ASAH2: variants seen among roughly 807,000 people sequenced by gnomAD.
ASAH2 encodes the protein neutral ceramidase.
In ASAH2, 58 loss-of-function variants were observed where a neutral mutation model predicts 82.9. The ratio of observed to expected loss-of-function variants is 0.70; its 90% confidence interval spans 0.57 to 0.87. The LOEUF (loss-of-function observed/expected upper bound fraction) is 0.87, where lower values mean the gene tolerates loss of function less well. ASAH2 is among the 40% of genes least tolerant of loss of function. The pLI is 0.00. For synonymous variants in ASAH2, 276 were observed against 289.7 expected (o/e 0.95, Z 0.48); for missense variants, 779 against 834.0 (o/e 0.93, Z 0.81).
At chr10:50,227,301 G>A (rs1286786401) in intron 7 of ASAH2, among the ~76,000 whole-genome samples, 1 of 151,462 alleles carries the variant, frequency 6.6e-6, no homozygotes, top group African/African-American at 2.4e-5. Flanking sequence ...CACATTATTA[G>A]ATAAGAAGAG....
At position 50,236,021 on chromosome 10, in the gene ASAH2, C is replaced by T; in HGVS notation, c.554G>A (p.Arg185Lys). ...AGTGCCACTCAGGATGACATTATCT[C>T]TTCTGTACAGGGAGCCATATTTACT... is the stretch of plus-strand genomic sequence containing the variant. ...LQSKYGSLYR[R>K]DNVILSGTHT... Residue 185 changes from arginine (R) to lysine (K), a missense_variant, in exon 5 of 21, where the codon AGA becomes AAA. By Grantham distance (26) the Arg-to-Lys change is conservative (BLOSUM62 2). Around this residue, in one of 3 missense-constraint regions of ASAH2, gnomAD observed 759 missense variants for 755.2 expected, o/e 1.00. Coordinates refer to ENST00000682911, the MANE Select transcript of ASAH2 (RefSeq NM_019893.4). 2 of 1,613,278 alleles carry T rather than the reference C, an allele frequency of 1.2e-6. No homozygotes were observed. Among genetic ancestry groups the T allele is most frequent in the South Asian group, 2.2e-5 (2 of 91,066 alleles).
chr10:50,212,776 T>A (rs1264110969), intron 10 of ASAH2, among the ~76,000 whole-genome samples, 196 bp downstream of exon 10: 1 of 152,134 alleles, frequency 6.6e-6, no homozygotes, highest in African/African-American at 2.4e-5. Flanking sequence ...CTATAAGAAG[T>A]CAGACCTGAG....
rs1369323923 is a variant in ASAH2, at chr10:50,224,791, T to A, written c.894-6161A>T. 2.6e-5 allele frequency among the ~76,000 whole-genome samples: 4 copies of A among 152,118 alleles called. No individual in the cohort carries two copies. In the East Asian group the frequency reaches 7.7e-4, roughly 29 times the overall value. On this transcript the variant is annotated intron_variant, in intron 7 of 20. Coordinates refer to ENST00000682911, the MANE Select transcript of ASAH2 (RefSeq NM_019893.4). ...CAAAATCATCCTCACCCCAACCCAC[T>A]GCAAACTGTTTGGAGAAGAAGAGGA...
chr10:50,200,170 TC>T (rs1389140289), intron 16 of ASAH2, among the ~76,000 whole-genome samples: 2 of 151,720 alleles, frequency 1.3e-5, no homozygotes, highest in East Asian at 3.9e-4. Context: ...CACAAGCCCT[TC>T]CAATTCATTT....
chr10:50,188,976 C>T (rs74693992), intron 20 of ASAH2, among the ~76,000 whole-genome samples: 61,005 of 117,430 alleles, frequency 0.52, 19,123 homozygotes, highest in Admixed American at 0.66. Context: ...TATGTCTCTC[C>T]GGAGAAATTG....
intron 20 of ASAH2, among the ~76,000 whole-genome samples, chr10:50,189,049 T>C (rs1481688575): frequency 6.9e-6 from 1 of 145,594 alleles, no homozygotes; most frequent in Non-Finnish European, 1.5e-5. Context: ...TCTAGTGTTT[T>C]AGTAACTCAA....
chr10:50,250,073 T>A (rs1846576608), intron 1 of ASAH2, among the ~76,000 whole-genome samples: 1 of 152,228 alleles, frequency 6.6e-6, no homozygotes, highest in South Asian at 2.1e-4. Context: ...AAATTTCAAA[T>A]TATCTCCTAA....
chr10:50,215,207 C>T (rs956715337), intron 8 of ASAH2, among the ~76,000 whole-genome samples: 2 of 152,006 alleles, frequency 1.3e-5, no homozygotes, highest in Admixed American at 6.6e-5. Flanking sequence ...TTGGGTCTTA[C>T]GTTTAAGTCT....
At position 50,199,146 on chromosome 10, in the gene ASAH2, C is replaced by T; in HGVS notation, c.1762G>A (p.Ala588Thr). The change falls in exon 17 of 21, where the codon GCT becomes ACT. Residue 588 changes from alanine (A) to threonine (T), a missense_variant and splice_region_variant. Transcript: ENST00000682911. ...HYITTYEEYQ[A>T]QRYEAASTIY... ...GTCGATGCTGCCTCATATCGCTGAG[C>T]CTGCAGGAAAGGCAGGGAGAGTTGT... 6.2e-7 allele frequency: 1 copy of T among 1,613,058 alleles called. No homozygotes were observed. Among genetic ancestry groups the T allele is most frequent in the Non-Finnish European group, 8.5e-7 (1 of 1,179,290 alleles).
intron 4 of ASAH2, among the ~76,000 whole-genome samples, chr10:50,239,025 G>C (rs1305544111): frequency 1.3e-5 from 2 of 152,148 alleles, no homozygotes; most frequent in Non-Finnish European, 2.9e-5. Flanking sequence ...ACAGGACAAA[G>C]CAGCTACATT....
Position 50,239,133 on chromosome 10 carries a change from T to C in ASAH2, c.511-3069A>G, listed in dbSNP as rs1846231481. 2.0e-5 allele frequency among the ~76,000 whole-genome samples: 3 copies of C among 152,266 alleles called. No homozygotes were observed. In the South Asian group the frequency reaches 6.2e-4, roughly 32 times the overall value. ...CAGAAAAACCTAGAAAGTCCTTCTG[T>C]TTTTCTGTCATGCCTCACTGCACAG... On this transcript the variant is annotated intron_variant, in intron 4 of 20. Coordinates refer to ENST00000682911, the MANE Select transcript of ASAH2 (RefSeq NM_019893.4).
chr10:50,228,699 A>G (rs1306783992), intron 7 of ASAH2, among the ~76,000 whole-genome samples: 1 of 152,106 alleles, frequency 6.6e-6, no homozygotes, highest in African/African-American at 2.4e-5. Context: ...AAGACCACTG[A>G]CTATAAGAAT....
intron 4 of ASAH2, among the ~76,000 whole-genome samples, chr10:50,242,701 T>C (rs1846335263): frequency 6.6e-6 from 1 of 152,194 alleles, no homozygotes; most frequent in South Asian, 2.1e-4. Context: ...TGTACAAAAA[T>C]AATCAGAATG....
chr10:50,234,658 C>G (rs1018177969), intron 5 of ASAH2, 106 bp from the exon 6 acceptor site: 119 of 1,472,598 alleles, frequency 8.1e-5, no homozygotes, highest in Non-Finnish European at 1.0e-4. Context: ...TCCTTTGTCT[C>G]TAATGGGTCC....
chr10:50,194,375 CA>C (rs1844919997), intron 18 of ASAH2, among the ~76,000 whole-genome samples: 1 of 151,554 alleles, frequency 6.6e-6, no homozygotes, highest in Non-Finnish European at 1.5e-5. Flanking sequence ...ATTAAAATAA[CA>C]AAAGACAAAA....
intron 9 of ASAH2, among the ~76,000 whole-genome samples, chr10:50,213,462 C>T (rs1845516218): frequency 3.3e-5 from 5 of 152,094 alleles, no homozygotes; most frequent in Admixed American, 3.3e-4. Flanking sequence ...TATATTGGAA[C>T]AACTAGCTGG....
chr10:50,214,888 G>A lies in ASAH2; in HGVS notation c.1015-20C>T. On this transcript the variant is annotated intron_variant, in intron 8 of 20. Coordinates refer to ENST00000682911, the MANE Select transcript of ASAH2 (RefSeq NM_019893.4). ...TGGCCCCTGCCAAAAGAAATGCCAAGTTGCCTTTTATTCTTTCCTATTTCC... is the reference window on the plus strand; with the variant it reads ...TGGCCCCTGCCAAAAGAAATGCCAAATTGCCTTTTATTCTTTCCTATTTCC... 15 of 1,613,030 alleles carry A rather than the reference G, an allele frequency of 9.3e-6. No homozygotes were observed. Among genetic ancestry groups the A allele is most frequent in the Non-Finnish European group, 1.3e-5 (15 of 1,179,444 alleles).
chr10:50,239,159 AG>A (rs1313989941), intron 4 of ASAH2, among the ~76,000 whole-genome samples: 3 of 152,178 alleles, frequency 2.0e-5, no homozygotes, highest in Non-Finnish European at 4.4e-5. Context: ...CACTGCACAG[AG>A]ATCTTCCATA....
chr10:50,232,728 T>A (rs1846050049), intron 7 of ASAH2, among the ~76,000 whole-genome samples: 2 of 152,174 alleles, frequency 1.3e-5, no homozygotes, highest in Admixed American at 1.3e-4. Flanking sequence ...GCCATTGTCC[T>A]GCATTGGACT....
Sources: gnomAD v4.1 joint callset for allele counts (sites outside exome capture counted in the v4.1 genomes callset) on GRCh38, gnomAD v4.1.1 for gene constraint, gnomAD v4.1.1 regional missense constraint, MANE v1.5 for transcripts, NCBI Gene and HGNC (gene_info 2026-07-23, HGNC 2026-07-21) for gene names.